Variants in CADM2 observed in about 807,000 individuals in gnomAD.
CADM2 encodes the protein immunoglobulin superfamily member 4D.
Under a neutral mutation model 49.8 loss-of-function variants are expected in CADM2, and 12 were observed. The ratio of observed to expected loss-of-function variants is 0.24; its 90% CI spans 0.15 to 0.39. The LOEUF (loss-of-function observed/expected upper bound fraction) is 0.39. CADM2 is among the 10% of genes least tolerant of loss of function. The pLI is 1.00. For synonymous variants in CADM2, 214 were observed against 175.4 expected (o/e 1.22, Z -1.74); for missense variants, 378 against 492.3 (o/e 0.77, Z 2.20).
intron 1 of CADM2, among the ~76,000 whole-genome samples, chr3:85,457,287 C>A (rs1157145000): frequency 6.6e-6 from 1 of 151,866 alleles, no homozygotes; most frequent in Non-Finnish European, 1.5e-5. Flanking sequence ...GTGACACAGG[C>A]CTGTACTCCC....
In CADM2 at chr3:85,107,631, TTTTC is replaced by T. The variant is rs371715710; in HGVS notation, c.61+147987_61+147990del. 4.6e-3 allele frequency among the ~76,000 whole-genome samples: 640 copies of T among 137,934 alleles called. 5 individuals carry two copies. Among genetic ancestry groups the T allele is most frequent in the African/African-American group, 0.013 (494 of 38,486 alleles). The allele number at this position is 137,934 out of a possible 152,430, so 90.5% of individuals were successfully genotyped here. A position where few individuals can be genotyped will look rare whatever the true frequency, so the allele number is the denominator to read the frequency against. On this transcript the variant is annotated intron_variant, in intron 1 of 9. Coordinates refer to ENST00000383699, the MANE Select transcript of CADM2 (RefSeq NM_001167675.2). ...TCTTTTTCTTTCTTTCTTTCTTTCTTTTTCTTTCTTTCTTTCTTTCTTTCTTTTT... is the reference window on the plus strand; with the variant it reads ...TCTTTTTCTTTCTTTCTTTCTTTCTTTTTCTTTCTTTCTTTCTTTCTTTTT...
intron 2 of CADM2, among the ~76,000 whole-genome samples, chr3:85,746,227 G>A (rs1319981907): frequency 1.3e-5 from 2 of 152,098 alleles, no homozygotes; most frequent in African/African-American, 2.4e-5. Context: ...AATTGCTTGG[G>A]CTTTTAACAA....
At chr3:85,128,692 T>G (rs1035738980) in intron 1 of CADM2, among the ~76,000 whole-genome samples, 2 of 152,162 alleles carry the variant, frequency 1.3e-5, no homozygotes, top group African/African-American at 4.8e-5. Flanking sequence ...GATTTGGGGT[T>G]AGGTTAGACC....
chr3:84,994,349 G>A lies in CADM2; in HGVS notation c.61+34681G>A, dbSNP rs551666903. 3.9e-5 allele frequency among the ~76,000 whole-genome samples: 6 copies of A among 152,168 alleles called. No individual in the cohort carries two copies. The East Asian group carries it at 1.2e-3, about 29-fold the overall frequency. Reference sequence around the variant, plus strand: ...GATAAGAGTAGTTTAATTAGCTATGGTTTTTACTGATATTTTGAATAAATA... The same window carrying A: ...GATAAGAGTAGTTTAATTAGCTATGATTTTTACTGATATTTTGAATAAATA... On this transcript the variant is annotated intron_variant, in intron 1 of 9. Transcript: ENST00000383699.
At chr3:85,089,667 T>A (rs9883252) in intron 1 of CADM2, among the ~76,000 whole-genome samples, 1 of 151,906 alleles carries the variant, frequency 6.6e-6, no homozygotes, top group Non-Finnish European at 1.5e-5. Flanking sequence ...AACTGGAACA[T>A]TTTTTGTCTT....
chr3:84,992,754 T>G (rs1331053799), intron 1 of CADM2, among the ~76,000 whole-genome samples: 5 of 152,200 alleles, frequency 3.3e-5, no homozygotes, highest in African/African-American at 1.2e-4. Context: ...AAGAGCATCT[T>G]TATTATCAGA....
chr3:85,149,585 A>C (rs2039859257), intron 1 of CADM2, among the ~76,000 whole-genome samples: 1 of 152,038 alleles, frequency 6.6e-6, no homozygotes, highest in African/African-American at 2.4e-5. Flanking sequence ...TAAAAATAAA[A>C]AATTAGCCAG....
At chr3:85,122,311 G>C (rs994798628) in intron 1 of CADM2, among the ~76,000 whole-genome samples, 1 of 152,120 alleles carries the variant, frequency 6.6e-6, no homozygotes, top group African/African-American at 2.4e-5. Context: ...AAGTTCATCA[G>C]TGACTCAATA....
chr3:85,212,872 T>TCTCTCTCTCTCTCTCTCTCTCTCTC (rs2041825842), intron 1 of CADM2, among the ~76,000 whole-genome samples: 1 of 91,192 alleles, frequency 1.1e-5, no homozygotes, highest in Non-Finnish European at 2.5e-5. Context: ...CTTTCTTTCT[T>TCTCTCTCTCTCTCTCTCTCTCTCTC]TCTTTCTTTC....
intron 1 of CADM2, among the ~76,000 whole-genome samples, chr3:85,273,056 T>C (rs1440304570): frequency 6.6e-6 from 1 of 150,748 alleles, no homozygotes; most frequent in Non-Finnish European, 1.5e-5. Flanking sequence ...TTGGATGAAA[T>C]TTTGAGGAAC....
chr3:85,756,626 T>C (rs1441032039), intron 2 of CADM2, among the ~76,000 whole-genome samples: 1 of 152,166 alleles, frequency 6.6e-6, no homozygotes, highest in Non-Finnish European at 1.5e-5. Flanking sequence ...ATTAAATATA[T>C]AGCCTACATA....
At chr3:85,354,421 T>C (rs986712157) in intron 1 of CADM2, among the ~76,000 whole-genome samples, 8 of 150,308 alleles carry the variant, frequency 5.3e-5, no homozygotes, top group East Asian at 4.0e-4. Flanking sequence ...AGTTAATGGG[T>C]GCAGCACACC....
chr3:85,574,252 C>G (rs2062566648), intron 1 of CADM2, among the ~76,000 whole-genome samples: 1 of 152,214 alleles, frequency 6.6e-6, no homozygotes, highest in African/African-American at 2.4e-5. Context: ...CATGGCTAAT[C>G]ATAAACAAAG....
intron 1 of CADM2, among the ~76,000 whole-genome samples, chr3:85,656,503 C>G (rs530815313): frequency 6.6e-6 from 1 of 152,148 alleles, no homozygotes; most frequent in Admixed American, 6.6e-5. Context: ...GTAATCCCAA[C>G]TACTCGGGAG....
At chr3:85,454,113 G>T (rs1327026874) in intron 1 of CADM2, among the ~76,000 whole-genome samples, 3 of 152,102 alleles carry the variant, frequency 2.0e-5, no homozygotes, top group African/African-American at 4.8e-5. Context: ...CAAGCATTTT[G>T]GGAGGCCGAG....
intron 1 of CADM2, among the ~76,000 whole-genome samples, chr3:85,388,201 T>C (rs1196830121): frequency 4.6e-5 from 7 of 152,148 alleles, no homozygotes; most frequent in African/African-American, 1.7e-4. Context: ...GCCAATTTTA[T>C]TTTTTGTAGA....
intron 1 of CADM2, among the ~76,000 whole-genome samples, chr3:85,258,727 T>C (rs932584057): frequency 6.6e-6 from 1 of 152,152 alleles, no homozygotes. Context: ...AGTTGGGCTC[T>C]ATCATATATT....
At chr3:85,989,954 G>GTGAGC (rs61127555) in intron 8 of CADM2, among the ~76,000 whole-genome samples, 41,270 of 137,420 alleles carry the variant, frequency 0.3, 7,815 homozygotes, top group African/African-American at 0.56. Context: ...GGAGGTTACA[G>GTGAGC]TGAGCTGAGA....
intron 8 of CADM2, among the ~76,000 whole-genome samples, chr3:86,046,705 G>A (rs1013825630): frequency 1.3e-5 from 2 of 152,020 alleles, no homozygotes; most frequent in Non-Finnish European, 2.9e-5. Flanking sequence ...AATAGGACTG[G>A]GCTGTGCATT....
Sources: allele counts gnomAD v4.1 joint callset (sites outside exome capture counted in the v4.1 genomes callset), GRCh38; gene constraint gnomAD v4.1.1; transcripts MANE v1.5; gene names NCBI Gene and HGNC (gene_info 2026-07-23, HGNC 2026-07-21).